The following KCNH5 variants were observed in gnomAD, a reference collection of about 807,000 sequenced individuals.
KCNH5 encodes potassium voltage-gated channel subfamily H member 5.
A neutral mutation model predicts 96.1 loss-of-function variants in KCNH5; 46 were observed. The observed-to-expected ratio is 0.48, with a 90% CI of 0.38 to 0.61. The LOEUF is 0.61. Ranked by LOEUF, KCNH5 falls within the 20% of genes least tolerant of loss-of-function variation. The probability of loss-of-function intolerance (pLI) is 0.00; values close to 1 mark genes in which losing one functional copy is unlikely to be tolerated. For missense variants in KCNH5, 907 were observed against 1,225.8 expected (o/e 0.74, Z 3.88); for synonymous variants, 439 against 449.8 (o/e 0.98, Z 0.30).
intron 8 of KCNH5, among the ~76,000 whole-genome samples, chr14:62,847,044 C>T (rs1487097234): frequency 1.3e-5 from 2 of 149,166 alleles, no homozygotes; most frequent in Non-Finnish European, 3.0e-5. Flanking sequence ...TCGTGATCCG[C>T]CCACCTCGGC....
At chr14:62,891,296 A>G (rs1296937132) in intron 7 of KCNH5, among the ~76,000 whole-genome samples, 4 of 152,232 alleles carry the variant, frequency 2.6e-5, no homozygotes, top group Non-Finnish European at 5.9e-5. Flanking sequence ...TCAGCAAACT[A>G]ACATAGGAAC....
chr14:62,978,849 C>G lies in KCNH5; in HGVS notation c.942+2023G>C, dbSNP rs181526246. Among the ~76,000 whole-genome samples, 60 of 152,202 alleles carry G rather than the reference C, an allele frequency of 3.9e-4. 1 individual carries two copies. The highest frequency in any genetic ancestry group is 7.1e-4 in the Non-Finnish European group (48 of 68,016). ...AACATGACGTTTTAAAGTATGTATG[C>G]ATTGTGGAATGACTAAATCTAGCTA... is the stretch of plus-strand genomic sequence containing the variant. On this transcript the variant is annotated intron_variant, in intron 6 of 10. Coordinates refer to ENST00000322893, the MANE Select transcript of KCNH5 (RefSeq NM_139318.5).
At chr14:62,837,964 G>A (rs1887497993) in intron 8 of KCNH5, among the ~76,000 whole-genome samples, 1 of 152,136 alleles carries the variant, frequency 6.6e-6, no homozygotes, top group South Asian at 2.1e-4. Flanking sequence ...TCATTTAACA[G>A]TGACTGGTTT....
intron 8 of KCNH5, among the ~76,000 whole-genome samples, chr14:62,810,031 A>C (rs563839621): frequency 1.9e-3 from 289 of 152,262 alleles, no homozygotes; most frequent in Non-Finnish European, 3.0e-3. Context: ...AAGTCTTCTA[A>C]TTTAGTTTAC....
At chr14:62,812,020 T>C (rs1386011048) in intron 8 of KCNH5, among the ~76,000 whole-genome samples, 3 of 152,176 alleles carry the variant, frequency 2.0e-5, no homozygotes, top group Non-Finnish European at 4.4e-5. Flanking sequence ...AAAGTGAATG[T>C]GTCTCATAAA....
chr14:62,863,537 A>G (rs910373759), intron 7 of KCNH5, among the ~76,000 whole-genome samples: 1 of 152,220 alleles, frequency 6.6e-6, no homozygotes, highest in Non-Finnish European at 1.5e-5. Context: ...GCCATAGTAT[A>G]TAAAGACTTC....
intron 4 of KCNH5, among the ~76,000 whole-genome samples, chr14:62,994,850 T>C (rs1454301659): frequency 6.6e-6 from 1 of 152,038 alleles, no homozygotes; most frequent in Non-Finnish European, 1.5e-5. Context: ...AAATGACCAA[T>C]AATGAATATA....
chr14:62,911,231 G>T (rs536221157), intron 7 of KCNH5, among the ~76,000 whole-genome samples: 1 of 151,286 alleles, frequency 6.6e-6, no homozygotes, highest in African/African-American at 2.4e-5. Flanking sequence ...ACAACATAAT[G>T]ATCTTGATTT....
Position 63,017,388 on chromosome 14 carries a change from A to G in KCNH5, c.74-434T>C, listed in dbSNP as rs532198330. Among the ~76,000 whole-genome samples, 4 of 152,062 alleles carry G rather than the reference A, an allele frequency of 2.6e-5. No individual in the cohort carries two copies. The South Asian group carries it at 8.3e-4, about 31-fold the overall frequency. ...TTGGATGACCCCCTGCAAAAATTATATTAATATATTGCTGACATGATGGAA... is the reference window on the plus strand; with the variant it reads ...TTGGATGACCCCCTGCAAAAATTATGTTAATATATTGCTGACATGATGGAA... On this transcript the variant is annotated intron_variant, in intron 1 of 10. Transcript: ENST00000322893.
rs1890594591 is a variant in KCNH5, at chr14:62,980,987, T to G, written c.827A>C (p.Glu276Ala). The G allele has an allele frequency of 6.2e-7, 1 of 1,613,978 alleles. No homozygotes were observed. The highest frequency in any genetic ancestry group is 8.5e-7 in the Non-Finnish European group (1 of 1,180,022). Residue 276 changes from glutamate to alanine, a missense_variant, in exon 6 of 11, where the codon GAG becomes GCG. Glu to Ala is a moderately radical substitution (Grantham distance 107). Transcript: ENST00000322893. ...TATGAGCTTAGGGTCAGAAATGACC[T>G]CTCCACCGGGCCCCACGAAAGTCGT... Reference protein sequence around the residue: ...FHTTFVGPGGEVISDPKLIRM... With the variant: ...FHTTFVGPGGAVISDPKLIRM...
intron 4 of KCNH5, among the ~76,000 whole-genome samples, chr14:62,999,311 T>C (rs1298178624): frequency 5.9e-5 from 9 of 152,256 alleles, no homozygotes. Context: ...TTTTCATGTG[T>C]CTTTTGGCTG....
intron 1 of KCNH5, among the ~76,000 whole-genome samples, chr14:63,033,172 G>T (rs562418353): frequency 1.4e-4 from 21 of 152,156 alleles, no homozygotes; most frequent in African/African-American, 4.8e-4. Flanking sequence ...CAACCTTTAC[G>T]GAAGTAGCTT....
chr14:62,896,000 T>C (rs894589661), intron 7 of KCNH5, among the ~76,000 whole-genome samples: 1 of 152,118 alleles, frequency 6.6e-6, no homozygotes, highest in Non-Finnish European at 1.5e-5. Flanking sequence ...AAGAAAGAAA[T>C]TGTTTTCACA....
At chr14:62,741,351 A>G (rs891089990) in intron 10 of KCNH5, among the ~76,000 whole-genome samples, 5 of 152,184 alleles carry the variant, frequency 3.3e-5, no homozygotes, top group African/African-American at 1.2e-4. Flanking sequence ...GTGATATTGC[A>G]GGTAGAGTAA....
At chr14:62,885,685 AG>A (rs1888581983) in intron 7 of KCNH5, among the ~76,000 whole-genome samples, 1 of 152,216 alleles carries the variant, frequency 6.6e-6, no homozygotes, top group Non-Finnish European at 1.5e-5. Context: ...AGGGAGTTCG[AG>A]TTCAGCAGAG....
At chr14:62,849,015 C>A (rs916182154) in intron 8 of KCNH5, among the ~76,000 whole-genome samples, 6 of 151,950 alleles carry the variant, frequency 3.9e-5, no homozygotes, top group Non-Finnish European at 8.8e-5. Flanking sequence ...TAAGGAGGAT[C>A]TTGAGTTCTT....
chr14:63,021,083 AG>A (rs1184957681), intron 1 of KCNH5, among the ~76,000 whole-genome samples: 1 of 152,130 alleles, frequency 6.6e-6, no homozygotes, highest in Non-Finnish European at 1.5e-5. Flanking sequence ...AGCCCAAGCC[AG>A]TTTACCCTCT....
intron 10 of KCNH5, among the ~76,000 whole-genome samples, chr14:62,737,192 T>G (rs190291934): frequency 2.5e-4 from 38 of 152,224 alleles, no homozygotes; most frequent in African/African-American, 8.4e-4. Flanking sequence ...TACATTTTAC[T>G]TATTTGTTTT....
chr14:62,976,436 C>G (rs1890501792), intron 6 of KCNH5, among the ~76,000 whole-genome samples: 1 of 150,316 alleles, frequency 6.7e-6, no homozygotes. Flanking sequence ...CAGGACTGGT[C>G]TCATAGGTAC....
Sources: allele counts gnomAD v4.1 joint callset (sites outside exome capture counted in the v4.1 genomes callset), GRCh38; gene constraint gnomAD v4.1.1; transcripts MANE v1.5; gene names NCBI Gene and HGNC (gene_info 2026-07-23, HGNC 2026-07-21).